NTNG2: variants seen among roughly 807,000 people sequenced by gnomAD.
The protein encoded by NTNG2 is netrin G2.
Under a neutral mutation model 47.6 loss-of-function variants are expected in NTNG2, and 15 were observed. The ratio of observed to expected loss-of-function variants is 0.32; its 90% CI spans 0.21 to 0.49. The LOEUF is 0.49. Ranked by LOEUF, NTNG2 falls within the 20% of genes least tolerant of loss-of-function variation. The probability of loss-of-function intolerance (pLI) is 0.99; values close to 1 mark genes in which losing one functional copy is unlikely to be tolerated. For missense variants in NTNG2, 578 were observed against 764.6 expected (o/e 0.76, Z 2.88); for synonymous variants, 307 against 324.6 (o/e 0.95, Z 0.58).
intron 4 of NTNG2, among the ~76,000 whole-genome samples, chr9:132,227,410 C>T (rs1197781002): frequency 2.6e-5 from 4 of 152,222 alleles, no homozygotes; most frequent in African/African-American, 7.2e-5. Flanking sequence ...TGCAACCCTT[C>T]GCCTTCTTGA....
chr9:132,237,320 G>A (rs1178155353), intron 5 of NTNG2, among the ~76,000 whole-genome samples: 1 of 152,176 alleles, frequency 6.6e-6, no homozygotes, highest in Non-Finnish European at 1.5e-5. Flanking sequence ...AAGGCTGCCT[G>A]CCCTAGAGCT....
intron 3 of NTNG2, among the ~76,000 whole-genome samples, chr9:132,223,746 C>T (rs996425227): frequency 3.3e-5 from 5 of 152,192 alleles, no homozygotes; most frequent in Non-Finnish European, 5.9e-5. Flanking sequence ...GGCCTCTATT[C>T]GCAGGATCTC....
intron 2 of NTNG2, among the ~76,000 whole-genome samples, chr9:132,188,239 A>G (rs1837556501): frequency 6.6e-6 from 1 of 152,224 alleles, no homozygotes; most frequent in Admixed American, 6.5e-5. Context: ...TCCACCTTGT[A>G]TGCGGCAGCA....
At position 132,230,661 on chromosome 9, in the gene NTNG2, A is replaced by T; in HGVS notation, c.1054+66A>T. On this transcript the variant is annotated intron_variant, in intron 5 of 7. Coordinates refer to ENST00000393229, the MANE Select transcript of NTNG2 (RefSeq NM_032536.4). Reference sequence around the variant, plus strand: ...CACGAGCCTCTTTGCATGTCCTGGAAAAAGCTGGAGAGAAAAAAGGGGCTT... The same window carrying T: ...CACGAGCCTCTTTGCATGTCCTGGATAAAGCTGGAGAGAAAAAAGGGGCTT... The T allele has an allele frequency of 1.9e-6, 3 of 1,557,560 alleles. No individual in the cohort carries two copies. The African/African-American group carries it at 4.1e-5, about 21-fold the overall frequency.
chr9:132,195,055 G>C (rs891353212), intron 2 of NTNG2, among the ~76,000 whole-genome samples: 1 of 152,238 alleles, frequency 6.6e-6, no homozygotes, highest in Non-Finnish European at 1.5e-5. Context: ...CAAGTGGTCC[G>C]GAGCACTGGG....
rs1300731761 is a variant in NTNG2, at chr9:132,195,233, CCCTG to C, written c.214-2729_214-2726del. Reference sequence around the variant, plus strand: ...CCACCCTCCCCCACCCACCATCTTTCCCTGCCTATTATCCACATCTTGCATTAGT... The same window carrying C: ...CCACCCTCCCCCACCCACCATCTTTCCCTATTATCCACATCTTGCATTAGT... On this transcript the variant is annotated intron_variant, in intron 2 of 7. Coordinates refer to ENST00000393229, the MANE Select transcript of NTNG2 (RefSeq NM_032536.4). Among the ~76,000 whole-genome samples, 23 of 149,982 alleles carry C rather than the reference CCCTG, an allele frequency of 1.5e-4. No homozygotes were observed. In the South Asian group the frequency reaches 2.4e-3, roughly 16 times the overall value.
chr9:132,198,469 C>T lies in NTNG2; in HGVS notation c.717C>T (p.Ser239=), dbSNP rs566856061. The stretch of plus-strand genomic sequence containing the variant: ...ACAACCTCTACACGCGGCTGGAGAG[C>T]GCCAAGGGCCTCAAGGAGTTCTTCA... The part of the protein sequence containing the change: ...NMDNLYTRLE[S]AKGLKEFFTL... Residue 239 remains serine, a synonymous_variant, in exon 3 of 8, where the codon AGC becomes AGT. Transcript: ENST00000393229. 863 of 1,610,462 alleles carry T rather than the reference C, an allele frequency of 5.4e-4. 12 individuals carry two copies. The South Asian group carries it at 8.3e-3, about 16-fold the overall frequency.
chr9:132,174,365 G>C (rs372209233), intron 2 of NTNG2, among the ~76,000 whole-genome samples: 2 of 145,838 alleles, frequency 1.4e-5, no homozygotes. Context: ...AGATTAGACG[G>C]ACAGATGGAC....
intron 2 of NTNG2, among the ~76,000 whole-genome samples, chr9:132,174,339 G>GACA (rs1464689112): frequency 5.1e-4 from 73 of 144,176 alleles, no homozygotes; most frequent in South Asian, 9.1e-4. Context: ...CAGACAGACA[G>GACA]GTCGAACCAT....
chr9:132,194,225 G>A (rs1246523728), intron 2 of NTNG2, among the ~76,000 whole-genome samples: 1 of 152,160 alleles, frequency 6.6e-6, no homozygotes, highest in Non-Finnish European at 1.5e-5. Context: ...CATGTGCCTG[G>A]GTGCCAGAGC....
chr9:132,242,138 C>T lies in NTNG2; in HGVS notation c.*27C>T. On this transcript the variant is annotated 3_prime_UTR_variant, in exon 8 of 8. Transcript: ENST00000393229. The surrounding 1 kb of genome is among the most constrained non-coding windows in gnomAD (Gnocchi z 5.9). ...CCCCGCCCGGAGGACGCTCCCCGCA[C>T]CCGGAGGCCGGGGGTCCCGGGGTCC... is the stretch of plus-strand genomic sequence containing the variant. 2 of 1,075,362 alleles carry T rather than the reference C, an allele frequency of 1.9e-6. No homozygotes were observed. Among genetic ancestry groups the T allele is most frequent in the African/African-American group, 1.7e-5 (1 of 59,556 alleles). The allele number at this position is 1,075,362 out of a possible 1,614,324, so 66.6% of individuals were successfully genotyped here.
chr9:132,170,103 G>A (rs1451201241), intron 2 of NTNG2, among the ~76,000 whole-genome samples: 2 of 152,132 alleles, frequency 1.3e-5, no homozygotes, highest in African/African-American at 4.8e-5. Flanking sequence ...TCCAGCCCAC[G>A]GGAGCGCAAG....
chr9:132,227,782 C>T (rs548274747), intron 4 of NTNG2, among the ~76,000 whole-genome samples: 1 of 152,334 alleles, frequency 6.6e-6, no homozygotes, highest in South Asian at 2.1e-4. Context: ...GGACCACCCA[C>T]CCGGGCGCGC....
chr9:132,168,827 G>A (rs982217436), intron 2 of NTNG2, among the ~76,000 whole-genome samples: 1 of 152,176 alleles, frequency 6.6e-6, no homozygotes, highest in African/African-American at 2.4e-5. Flanking sequence ...CTGCCTTAAC[G>A]TGCTTGGGGG....
chr9:132,234,389 G>C (rs1841470433), intron 5 of NTNG2, among the ~76,000 whole-genome samples: 1 of 152,210 alleles, frequency 6.6e-6, no homozygotes, highest in Non-Finnish European at 1.5e-5. Context: ...AGCAGACCGG[G>C]CTTCCATGGG....
chr9:132,209,668 G>C (rs1839440021), intron 3 of NTNG2, among the ~76,000 whole-genome samples: 1 of 152,210 alleles, frequency 6.6e-6, no homozygotes, highest in African/African-American at 2.4e-5. Flanking sequence ...CGGGAGTCCG[G>C]GATGAAGGCC....
At chr9:132,227,673 G>A (rs758333536) in intron 4 of NTNG2, among the ~76,000 whole-genome samples, 2 of 152,134 alleles carry the variant, frequency 1.3e-5, no homozygotes, top group Non-Finnish European at 2.9e-5. Context: ...CCCCCCGCAC[G>A]TGCTCTCTGC....
chr9:132,189,064 C>CTTTTTT (rs1179386814), intron 2 of NTNG2, among the ~76,000 whole-genome samples: 2 of 61,752 alleles, frequency 3.2e-5, no homozygotes, highest in South Asian at 4.8e-4. Context: ...GGCTTTAAGC[C>CTTTTTT]TTTCTTTTTT....
intron 3 of NTNG2, among the ~76,000 whole-genome samples, chr9:132,208,000 A>G (rs191861451): frequency 4.1e-4 from 63 of 152,268 alleles, no homozygotes; most frequent in Admixed American, 6.5e-4. Flanking sequence ...GATACCTGGG[A>G]GGCTGAGGTG....
Sources: gnomAD v4.1 joint callset for allele counts (sites outside exome capture counted in the v4.1 genomes callset) on GRCh38, gnomAD v4.1.1 for gene constraint, Gnocchi (gnomAD v3.1) non-coding constraint, MANE v1.5 for transcripts, NCBI Gene and HGNC (gene_info 2026-07-23, HGNC 2026-07-21) for gene names.